Variants in GPCPD1 observed in about 807,000 individuals in gnomAD.
GPCPD1 encodes the protein glycerophosphocholine phosphodiesterase 1.
Under a neutral mutation model 89.2 loss-of-function variants are expected in GPCPD1, and 29 were observed. The ratio of observed to expected loss-of-function variants is 0.33; its 90% CI spans 0.24 to 0.44. The LOEUF (loss-of-function observed/expected upper bound fraction) is 0.44, where lower values mean the gene tolerates loss of function less well. Ranked by LOEUF, GPCPD1 falls within the 20% of genes least tolerant of loss-of-function variation. The pLI, the probability that GPCPD1 is intolerant of heterozygous loss-of-function variation, is 1.00. For missense variants in GPCPD1, 594 were observed against 808.9 expected, an observed-to-expected ratio of 0.73 and a Z score of 3.22; for synonymous variants, 258 against 266.3, an observed-to-expected ratio of 0.97 and a Z score of 0.30.
chr20:5,555,236 T>C (rs930606260), intron 19 of GPCPD1, among the ~76,000 whole-genome samples: 9 of 152,200 alleles, frequency 5.9e-5, no homozygotes, highest in Admixed American at 5.9e-4. Context: ...GACTCCAATT[T>C]AAAGATGTAC....
At chr20:5,610,699 C>A in intron 1 of GPCPD1, 143 bp downstream of exon 1, 1 of 150,908 alleles carries the variant, frequency 6.6e-6, no homozygotes, top group South Asian at 2.0e-4. Context: ...CCCCTGCGGG[C>A]AGTGGCCGGC....
intron 6 of GPCPD1, among the ~76,000 whole-genome samples, chr20:5,580,596 G>T (rs1978397122): frequency 3.3e-5 from 5 of 151,508 alleles, no homozygotes; most frequent in Admixed American, 2.6e-4. Flanking sequence ...CGTGGTGGCG[G>T]GCGCCTGTAG....
At chr20:5,609,386 A>G (rs574608028) in intron 1 of GPCPD1, among the ~76,000 whole-genome samples, 1 of 152,232 alleles carries the variant, frequency 6.6e-6, no homozygotes, top group African/African-American at 2.4e-5. Context: ...CTTGAAGCCA[A>G]TATCTTAATC....
chr20:5,573,787 G>A (rs921423690), intron 11 of GPCPD1, 128 bp downstream of exon 11: 23 of 747,092 alleles, frequency 3.1e-5, no homozygotes, highest in Non-Finnish European at 4.3e-5. Flanking sequence ...TCTTCATTCC[G>A]ATCTTCACCA....
At chr20:5,580,325 CA>C (rs1978368994) in intron 6 of GPCPD1, among the ~76,000 whole-genome samples, 194 bp from the exon 7 acceptor site, 1 of 151,970 alleles carries the variant, frequency 6.6e-6, no homozygotes, top group South Asian at 2.1e-4. Flanking sequence ...GTTCATATTG[CA>C]AACCAAGGGT....
rs1322978884 is a variant in GPCPD1 at position 5,547,757 on chromosome 20, C to T, written c.1923G>A (p.Leu641=). The change falls in exon 20 of 20, where the codon TTG becomes TTA. Residue 641 remains leucine (L), a synonymous_variant. Coordinates refer to ENST00000379019, the MANE Select transcript of GPCPD1 (RefSeq NM_019593.5). The part of the protein sequence containing the change: ...KQELPELKSC[L]CPTVSRFVPS... ...GAACAAAGCGGCTAACAGTGGGACA[C>T]AAACAGCTCTTAAGCTCTGGCAATT... 7 of 1,610,924 alleles carry T rather than the reference C, an allele frequency of 4.3e-6. No homozygotes were observed. Among genetic ancestry groups the T allele is most frequent in the South Asian group, 1.1e-5 (1 of 90,968 alleles).
intron 15 of GPCPD1, among the ~76,000 whole-genome samples, 197 bp downstream of exon 15, chr20:5,564,820 T>C (rs1986290920): frequency 6.6e-6 from 1 of 151,916 alleles, no homozygotes. Flanking sequence ...AGCCTAGATG[T>C]CAAAGTGGGA....
intron 1 of GPCPD1, among the ~76,000 whole-genome samples, chr20:5,605,582 C>G (rs1980526405): frequency 6.6e-6 from 1 of 152,080 alleles, no homozygotes; most frequent in Admixed American, 6.6e-5. Flanking sequence ...AGTTCAAGAC[C>G]AGCCTGACCA....
At chr20:5,592,108 C>A (rs552092735) in intron 4 of GPCPD1, among the ~76,000 whole-genome samples, 1 of 152,288 alleles carries the variant, frequency 6.6e-6, no homozygotes, top group Non-Finnish European at 1.5e-5. Flanking sequence ...GAAAACTATG[C>A]CCAAAGAACT....
At chr20:5,551,715 G>A (rs1985420370) in intron 19 of GPCPD1, among the ~76,000 whole-genome samples, 1 of 152,110 alleles carries the variant, frequency 6.6e-6, no homozygotes, top group Non-Finnish European at 1.5e-5. Flanking sequence ...AGGTTGCAGT[G>A]AGCCGAGACA....
intron 4 of GPCPD1, among the ~76,000 whole-genome samples, chr20:5,588,427 C>T (rs530641505): frequency 9.9e-5 from 15 of 152,072 alleles, no homozygotes; most frequent in Admixed American, 2.6e-4. Flanking sequence ...ATTGCTTGAC[C>T]GTGGGAGGCA....
At chr20:5,583,035 G>A (rs1365909531) in intron 6 of GPCPD1, among the ~76,000 whole-genome samples, 1 of 151,908 alleles carries the variant, frequency 6.6e-6, no homozygotes, top group African/African-American at 2.4e-5. Flanking sequence ...GGGAGTTCAA[G>A]ACCAGCCTGA....
At chr20:5,577,256 C>T (rs1022776825) in intron 8 of GPCPD1, among the ~76,000 whole-genome samples, 1 of 151,560 alleles carries the variant, frequency 6.6e-6, no homozygotes, top group Non-Finnish European at 1.5e-5. Flanking sequence ...CTCTTGACCT[C>T]GTGATCCGCC....
intron 19 of GPCPD1, among the ~76,000 whole-genome samples, chr20:5,553,382 A>C (rs142936925): frequency 2.0e-5 from 3 of 152,092 alleles, no homozygotes; most frequent in Non-Finnish European, 2.9e-5. Flanking sequence ...TGGCCTCCCT[A>C]TTCTCAGAGA....
Position 5,582,665 on chromosome 20 carries a change from G to C in GPCPD1, c.349+1616C>G, listed in dbSNP as rs576015988. ...ACACTTTGGGAGGCCAAGGCAGGCA[G>C]ATCACTTGAGGTCAGGAGTTTGAGA... On this transcript the variant is annotated intron_variant, in intron 6 of 19. Transcript: ENST00000379019. Among the ~76,000 whole-genome samples the C allele has an allele frequency of 5.9e-5, 9 of 152,318 alleles. No individual in the cohort carries two copies. The East Asian group carries it at 1.5e-3, about 26-fold the overall frequency.
intron 11 of GPCPD1, among the ~76,000 whole-genome samples, chr20:5,570,986 A>G (rs1321282183): frequency 6.6e-6 from 1 of 152,256 alleles, no homozygotes; most frequent in Non-Finnish European, 1.5e-5. Flanking sequence ...TAAAGTCTGT[A>G]TGTCATAAAC....
chr20:5,604,802 CACA>C (rs1568682812), intron 1 of GPCPD1, among the ~76,000 whole-genome samples: 60 of 151,392 alleles, frequency 4.0e-4, no homozygotes, highest in African/African-American at 1.5e-3. Context: ...CACACACACA[CACA>C]CGCCAGGCAT....
intron 19 of GPCPD1, among the ~76,000 whole-genome samples, chr20:5,550,417 A>G (rs1205078970): frequency 1.3e-5 from 2 of 152,118 alleles, no homozygotes; most frequent in African/African-American, 4.8e-5. Context: ...AATCAAAAGA[A>G]TTATTTTTGA....
At chr20:5,563,511 T>G (rs1486507544) in intron 15 of GPCPD1, among the ~76,000 whole-genome samples, 1 of 152,126 alleles carries the variant, frequency 6.6e-6, no homozygotes, top group African/African-American at 2.4e-5. Flanking sequence ...TACATTTTAC[T>G]TATTTATTTA....
Sources: allele counts gnomAD v4.1 joint callset (sites outside exome capture counted in the v4.1 genomes callset), GRCh38; gene constraint gnomAD v4.1.1; transcripts MANE v1.5; gene names NCBI Gene and HGNC (gene_info 2026-07-23, HGNC 2026-07-21).